The following APBB2 variants were observed in gnomAD, a reference collection of about 807,000 sequenced individuals.
APBB2 encodes Fe65-like 1.
A neutral mutation model predicts 82.5 loss-of-function variants in APBB2; 38 were observed. That is an observed-to-expected ratio of 0.46 (90% CI 0.36 to 0.60). The LOEUF is 0.60. APBB2 is among the 20% of genes least tolerant of loss of function. APBB2 has a pLI of 0.00. For missense variants in APBB2, 772 were observed against 972.3 expected (o/e 0.79, Z 2.74); for synonymous variants, 341 against 368.2 (o/e 0.93, Z 0.85).
chr4:41,065,245 A>G (rs1310750968), intron 4 of APBB2, among the ~76,000 whole-genome samples: 1 of 152,040 alleles, frequency 6.6e-6, no homozygotes, highest in African/African-American at 2.4e-5. Context: ...TGTTCATGCC[A>G]CTGGACCCCA....
chr4:40,950,537 T>C (rs1789813809), intron 6 of APBB2, among the ~76,000 whole-genome samples: 1 of 152,080 alleles, frequency 6.6e-6, no homozygotes, highest in South Asian at 2.1e-4. Flanking sequence ...CACAGGGAGA[T>C]GCATGTCTAC....
chr4:40,889,877 C>G (rs942430899), intron 12 of APBB2, among the ~76,000 whole-genome samples: 13 of 152,068 alleles, frequency 8.5e-5, no homozygotes, highest in Admixed American at 8.5e-4. Context: ...ATCCCAAAAC[C>G]CAGAAATTCC....
At chr4:40,904,059 C>T (rs1776041445) in intron 10 of APBB2, among the ~76,000 whole-genome samples, 1 of 152,134 alleles carries the variant, frequency 6.6e-6, no homozygotes, top group African/African-American at 2.4e-5. Context: ...CTCCTAGTTA[C>T]TGTAGCCAGT....
chr4:41,208,122 C>T (rs1447918034), intron 1 of APBB2, among the ~76,000 whole-genome samples: 1 of 152,200 alleles, frequency 6.6e-6, no homozygotes, highest in African/African-American at 2.4e-5. Flanking sequence ...ACGACAGGGA[C>T]ACATCCCATA....
At chr4:41,104,413 A>G (rs1746454086) in intron 2 of APBB2, among the ~76,000 whole-genome samples, 1 of 152,142 alleles carries the variant, frequency 6.6e-6, no homozygotes, top group African/African-American at 2.4e-5. Flanking sequence ...TGGCCACCAC[A>G]CATCTGAGTT....
rs139802861 is a variant in APBB2 at position 41,138,545 on chromosome 4, T to C, written c.-261+4442A>G. On this transcript the variant is annotated intron_variant, in intron 2 of 17. Transcript: ENST00000508593. ...CCCAATATAAAAATGGGCAAAGGAT[T>C]TGAACAGGTATTTCTCCAAAGAAGA... is the stretch of plus-strand genomic sequence containing the variant. 2.2e-4 allele frequency among the ~76,000 whole-genome samples: 34 copies of C among 152,268 alleles called. No individual in the cohort carries two copies. The East Asian group carries it at 5.0e-3, about 22-fold the overall frequency.
chr4:41,103,841 T>C (rs1400078382), intron 2 of APBB2, among the ~76,000 whole-genome samples: 8 of 152,234 alleles, frequency 5.3e-5, no homozygotes, highest in Admixed American at 2.6e-4. Context: ...CAAGTATTAA[T>C]AGGTCCAGTC....
At chr4:41,160,217 G>A (rs377170155) in intron 1 of APBB2, among the ~76,000 whole-genome samples, 1 of 152,094 alleles carries the variant, frequency 6.6e-6, no homozygotes. Context: ...GGCCTGGACA[G>A]GGAAGACAAG....
chr4:40,901,542 C>T (rs1195734512), intron 10 of APBB2, among the ~76,000 whole-genome samples: 2 of 151,064 alleles, frequency 1.3e-5, no homozygotes. Flanking sequence ...GACTGAGTCT[C>T]GCTGTCTGCC....
chr4:40,936,448 G>C (rs1308062981), intron 7 of APBB2, among the ~76,000 whole-genome samples: 1 of 152,058 alleles, frequency 6.6e-6, no homozygotes, highest in Admixed American at 6.6e-5. Context: ...TTGAGATGGG[G>C]GTTCCATTAT....
At chr4:41,074,421 T>C (rs749751470) in intron 3 of APBB2, among the ~76,000 whole-genome samples, 15 of 152,078 alleles carry the variant, frequency 9.9e-5, no homozygotes, top group Non-Finnish European at 1.5e-4. Context: ...CACTTCTAGT[T>C]AGCTTTAGCA....
At chr4:41,125,986 A>C (rs1045247296) in intron 2 of APBB2, among the ~76,000 whole-genome samples, 5 of 152,164 alleles carry the variant, frequency 3.3e-5, no homozygotes, top group Non-Finnish European at 7.3e-5. Flanking sequence ...GACTCCAATC[A>C]CAGAAAGTTG....
intron 1 of APBB2, among the ~76,000 whole-genome samples, chr4:41,208,340 C>A (rs143313694): frequency 0.036 from 5,532 of 152,316 alleles, 162 homozygotes; most frequent in Non-Finnish European, 0.046. Flanking sequence ...CAGCTCACAG[C>A]AACCTCCACC....
intron 12 of APBB2, among the ~76,000 whole-genome samples, chr4:40,839,153 T>C (rs961996126): frequency 2.6e-5 from 4 of 151,560 alleles, no homozygotes; most frequent in African/African-American, 7.3e-5. Flanking sequence ...TCAAAGCTCA[T>C]TGTAGCCTCG....
At chr4:40,880,361 T>C (rs1180357638) in intron 12 of APBB2, 1 of 985,214 alleles carries the variant, frequency 1.0e-6, no homozygotes, top group Non-Finnish European at 1.2e-6. Flanking sequence ...AAACCAAAAA[T>C]CTCAGGATGA....
At chr4:40,951,122 G>C (rs7658815) in intron 6 of APBB2, among the ~76,000 whole-genome samples, 3 of 152,032 alleles carry the variant, frequency 2.0e-5, no homozygotes, top group Non-Finnish European at 4.4e-5. Context: ...TACCTGGAGT[G>C]GGGGAGAGAC....
At chr4:41,211,656 T>C (rs1779355619) in intron 1 of APBB2, among the ~76,000 whole-genome samples, 1 of 152,020 alleles carries the variant, frequency 6.6e-6, no homozygotes, top group African/African-American at 2.4e-5. Flanking sequence ...CTAATTTTTG[T>C]ATTTTTTTAG....
At chr4:41,101,549 A>G (rs1445037492) in intron 2 of APBB2, among the ~76,000 whole-genome samples, 1 of 151,032 alleles carries the variant, frequency 6.6e-6, no homozygotes, top group Non-Finnish European at 1.5e-5. Flanking sequence ...ACTTTTAAAT[A>G]CTCTTCAAAT....
chr4:40,952,516 C>T (rs904372008), intron 6 of APBB2, among the ~76,000 whole-genome samples: 3 of 152,140 alleles, frequency 2.0e-5, no homozygotes, highest in Admixed American at 6.5e-5. Flanking sequence ...CCCTCATTCT[C>T]CATTTTTAAG....
Sources: gnomAD v4.1 joint callset for allele counts (sites outside exome capture counted in the v4.1 genomes callset) on GRCh38, gnomAD v4.1.1 for gene constraint, MANE v1.5 for transcripts, NCBI Gene and HGNC (gene_info 2026-07-23, HGNC 2026-07-21) for gene names.